Variants in DCDC2C observed in about 807,000 individuals in gnomAD.
The protein encoded by DCDC2C is doublecortin domain containing 2C.
In DCDC2C, 44 loss-of-function variants were observed where a neutral mutation model predicts 45.0. The ratio of observed to expected loss-of-function variants is 0.98; its 90% CI spans 0.77 to 1.26. DCDC2C has a LOEUF of 1.26. Among genes scored for constraint, DCDC2C ranks in the 50% most tolerant of loss-of-function variants. DCDC2C has a pLI of 0.00. For missense variants in DCDC2C, 447 were observed against 468.9 expected, an observed-to-expected ratio of 0.95 and a Z score of 0.43; for synonymous variants, 187 against 178.8, an observed-to-expected ratio of 1.05 and a Z score of -0.37.
At chr2:3,791,526 C>T (rs1309803089) in intron 10 of DCDC2C, among the ~76,000 whole-genome samples, 1 of 152,200 alleles carries the variant, frequency 6.6e-6, no homozygotes, top group African/African-American at 2.4e-5. Context: ...AGCAAGTGAA[C>T]AAAGATCAGC....
chr2:3,832,567 C>T (rs1044109969), intron 10 of DCDC2C, among the ~76,000 whole-genome samples: 7 of 152,352 alleles, frequency 4.6e-5, no homozygotes, highest in East Asian at 3.9e-4. Flanking sequence ...ATCAAAGCTT[C>T]GTTTCCATTA....
At chr2:3,834,158 AT>A (rs1250702911) in intron 10 of DCDC2C, among the ~76,000 whole-genome samples, 1 of 147,528 alleles carries the variant, frequency 6.8e-6, no homozygotes, top group African/African-American at 2.5e-5. Flanking sequence ...AGAGTGGTAC[AT>A]TTGTTACAAC....
intron 10 of DCDC2C, among the ~76,000 whole-genome samples, chr2:3,789,013 A>T: frequency 6.7e-6 from 1 of 148,150 alleles, no homozygotes; most frequent in South Asian, 2.1e-4. Context: ...TACCCAGCTA[A>T]TTTTTTTTTT....
Position 3,785,132 on chromosome 2 carries a change from C to T in DCDC2C, c.1065+32C>T, listed in dbSNP as rs1670616105. The stretch of plus-strand genomic sequence containing the variant: ...ATCAACAACAAATGCTGTAGTTTTG[C>T]GTTTTCTATTCTGAAGACAGACCTA... On this transcript the variant is annotated intron_variant, in intron 10 of 10. Transcript: ENST00000399143. The T allele has an allele frequency of 5.7e-6, 7 of 1,230,656 alleles. No individual in the cohort carries two copies. The East Asian group carries it at 9.5e-5, about 17-fold the overall frequency. 76.2% of individuals were successfully genotyped at this position (1,230,656 alleles called of 1,614,324 possible).
intron 4 of DCDC2C, among the ~76,000 whole-genome samples, chr2:3,751,582 G>C (rs940230349): frequency 3.3e-5 from 5 of 152,222 alleles, no homozygotes. Flanking sequence ...CCTGAGCTGG[G>C]AGCTCTGCAG....
At chr2:3,815,815 G>T (rs1325139879) in intron 10 of DCDC2C, among the ~76,000 whole-genome samples, 1 of 152,184 alleles carries the variant, frequency 6.6e-6, no homozygotes, top group East Asian at 1.9e-4. Flanking sequence ...ATCAGTTAAG[G>T]CAGGAACAGG....
intron 2 of DCDC2C, among the ~76,000 whole-genome samples, chr2:3,718,422 A>AT (rs1278396575): frequency 6.6e-6 from 1 of 152,030 alleles, no homozygotes; most frequent in Non-Finnish European, 1.5e-5. Flanking sequence ...TTCTCCTTAT[A>AT]TTTTTTAGCA....
intron 2 of DCDC2C, among the ~76,000 whole-genome samples, chr2:3,719,521 G>A (rs1016467656): frequency 1.6e-4 from 24 of 152,158 alleles, no homozygotes; most frequent in Non-Finnish European, 2.6e-4. Flanking sequence ...GTATGCTGAA[G>A]GGTCACCGTG....
chr2:3,845,478 A>G (rs531764333), intron 10 of DCDC2C, among the ~76,000 whole-genome samples: 2 of 152,360 alleles, frequency 1.3e-5, no homozygotes, highest in East Asian at 1.9e-4. Flanking sequence ...AATTAGTGGT[A>G]TATACAGTGT....
intron 10 of DCDC2C, among the ~76,000 whole-genome samples, chr2:3,810,026 C>G (rs1162851365): frequency 6.6e-6 from 1 of 152,176 alleles, no homozygotes; most frequent in East Asian, 1.9e-4. Context: ...CAAGTCTTTG[C>G]TATTGTAAAT....
chr2:3,751,472 C>T (rs902426341), intron 4 of DCDC2C, among the ~76,000 whole-genome samples: 2 of 152,208 alleles, frequency 1.3e-5, no homozygotes, highest in African/African-American at 2.4e-5. Context: ...CCTCCAGGGT[C>T]GGTCTCAGGC....
chr2:3,721,263 C>T (rs1417567689), intron 2 of DCDC2C, among the ~76,000 whole-genome samples: 1 of 151,984 alleles, frequency 6.6e-6, no homozygotes, highest in Non-Finnish European at 1.5e-5. Context: ...TTTTATTCTT[C>T]CTATTGTGTA....
At chr2:3,747,281 G>A (rs1031143266) in intron 4 of DCDC2C, among the ~76,000 whole-genome samples, 11 of 152,186 alleles carry the variant, frequency 7.2e-5, no homozygotes, top group Non-Finnish European at 1.5e-4. Context: ...TGCATCGTGG[G>A]CACAAATGTC....
intron 10 of DCDC2C, among the ~76,000 whole-genome samples, chr2:3,790,446 A>G (rs1670774080): frequency 6.6e-6 from 1 of 152,220 alleles, no homozygotes; most frequent in African/African-American, 2.4e-5. Context: ...CCACAGATCC[A>G]TAACAATCAT....
chr2:3,808,151 G>A (rs1425811445), intron 10 of DCDC2C, among the ~76,000 whole-genome samples: 1 of 152,208 alleles, frequency 6.6e-6, no homozygotes, highest in African/African-American at 2.4e-5. Context: ...GTGGATGGAA[G>A]TGAATGGAAG....
intron 2 of DCDC2C, among the ~76,000 whole-genome samples, chr2:3,718,534 C>A (rs945329082): frequency 1.3e-5 from 2 of 152,160 alleles, no homozygotes; most frequent in African/African-American, 4.8e-5. Context: ...AAGGAGTGAA[C>A]CTCACCTGTG....
chr2:3,836,730 C>T (rs1250615384), intron 10 of DCDC2C, among the ~76,000 whole-genome samples: 4 of 151,998 alleles, frequency 2.6e-5, no homozygotes. Flanking sequence ...GGCACGGTGG[C>T]GGGCACCTGT....
intron 6 of DCDC2C, among the ~76,000 whole-genome samples, chr2:3,765,440 C>T (rs1350389776): frequency 6.6e-6 from 1 of 151,908 alleles, no homozygotes; most frequent in Non-Finnish European, 1.5e-5. Flanking sequence ...GGGACTTCCA[C>T]GTGGAAGGGA....
At chr2:3,796,933 C>A (rs1462811582) in intron 10 of DCDC2C, among the ~76,000 whole-genome samples, 11 of 152,142 alleles carry the variant, frequency 7.2e-5, no homozygotes, top group African/African-American at 2.7e-4. Context: ...GAAATAGTTT[C>A]AGAAGGAATG....
Sources: gnomAD v4.1 joint callset for allele counts (sites outside exome capture counted in the v4.1 genomes callset) on GRCh38, gnomAD v4.1.1 for gene constraint, MANE v1.5 for transcripts, NCBI Gene and HGNC (gene_info 2026-07-23, HGNC 2026-07-21) for gene names.